Variants in SPARCL1 observed in about 807,000 individuals in gnomAD.
The protein encoded by SPARCL1 is SPARC-like protein 1.
A neutral mutation model predicts 67.1 loss-of-function variants in SPARCL1; 52 were observed. That is an observed-to-expected ratio of 0.78 (90% CI 0.62 to 0.98). The LOEUF (loss-of-function observed/expected upper bound fraction) is 0.98, where lower values mean the gene tolerates loss of function less well. Among genes scored for constraint, SPARCL1 ranks in the 50% least tolerant of loss-of-function variants. The pLI is 0.00. For synonymous variants in SPARCL1, 226 were observed against 267.8 expected (o/e 0.84, Z 1.52); for missense variants, 717 against 782.4 (o/e 0.92, Z 1.00).
rs188701213 is a variant in SPARCL1 at position 87,525,232 on chromosome 4, G to A, written c.-12+3813C>T. Among the ~76,000 whole-genome samples, 15 of 152,136 alleles carry A rather than the reference G, an allele frequency of 9.9e-5. 1 individual carries two copies. In the East Asian group the frequency reaches 2.7e-3, roughly 27 times the overall value. On this transcript the variant is annotated intron_variant, in intron 1 of 10. Transcript: ENST00000282470. ...ACATTTCACAAGTGGGGGAAACTGA[G>A]GCTCCTGAGCTTAGCAGCCAACCTT... is the stretch of plus-strand genomic sequence containing the variant.
intron 1 of SPARCL1, among the ~76,000 whole-genome samples, chr4:87,518,048 C>A (rs2110261210): frequency 6.6e-6 from 1 of 152,292 alleles, no homozygotes; most frequent in African/African-American, 2.4e-5. Context: ...ATATGGGAAA[C>A]AATTGCTTGC....
intron 1 of SPARCL1, among the ~76,000 whole-genome samples, chr4:87,514,711 G>A (rs1725512162): frequency 1.3e-5 from 2 of 152,114 alleles, no homozygotes; most frequent in African/African-American, 4.8e-5. Flanking sequence ...GCCACATATT[G>A]ATCAAAAATA....
intron 7 of SPARCL1, among the ~76,000 whole-genome samples, chr4:87,488,840 C>T (rs1035879348): frequency 2.0e-5 from 3 of 152,154 alleles, no homozygotes; most frequent in Non-Finnish European, 4.4e-5. Context: ...TCTGGTGCTG[C>T]CGTGGGCTCC....
At chr4:87,482,067 A>G (rs979913136) in intron 8 of SPARCL1, among the ~76,000 whole-genome samples, 2 of 152,232 alleles carry the variant, frequency 1.3e-5, no homozygotes, top group Non-Finnish European at 2.9e-5. Context: ...TCATACATCT[A>G]TGTCTGGCCT....
intron 6 of SPARCL1, 114 bp downstream of exon 6, chr4:87,490,646 C>A: frequency 1.3e-6 from 1 of 784,992 alleles, no homozygotes; most frequent in Non-Finnish European, 2.1e-6. Flanking sequence ...CCCAAATAAC[C>A]AAATGATAAC....
chr4:87,495,219 C>T (rs17012705), intron 2 of SPARCL1, 92 bp from the exon 3 acceptor site: 6 of 1,007,400 alleles, frequency 6.0e-6, no homozygotes, highest in Non-Finnish European at 7.5e-6. Flanking sequence ...TTATTAGTAG[C>T]AATATACTTC....
intron 10 of SPARCL1, among the ~76,000 whole-genome samples, chr4:87,477,149 C>CT (rs1237829439): frequency 6.6e-6 from 1 of 152,224 alleles, no homozygotes; most frequent in Non-Finnish European, 1.5e-5. Flanking sequence ...CCTGGGTGAG[C>CT]TTACACACTG....
At position 87,490,192 on chromosome 4, in the gene SPARCL1, G is replaced by C. The variant is rs537195649; in HGVS notation, c.1531+81C>G. ...GAACTACATCAGCTTTTCCCTGTTT[G>C]CATATAGATAATTCAGGCATGTCCA... On this transcript the variant is annotated intron_variant, in intron 7 of 10. Transcript: ENST00000282470. The C allele has an allele frequency of 1.1e-5, 16 of 1,394,746 alleles. No homozygotes were observed. In the East Asian group the frequency reaches 3.3e-4, roughly 29 times the overall value. The allele number at this position is 1,394,746 out of a possible 1,614,324, so 86.4% of individuals were successfully genotyped here.
At chr4:87,512,483 T>C (rs138636657) in intron 1 of SPARCL1, among the ~76,000 whole-genome samples, 47 of 152,118 alleles carry the variant, frequency 3.1e-4, no homozygotes, top group Non-Finnish European at 5.4e-4. Context: ...TGGTAAACCT[T>C]TGCACATTGG....
intron 8 of SPARCL1, among the ~76,000 whole-genome samples, chr4:87,482,212 C>CA (rs1723849574): frequency 6.6e-6 from 1 of 152,132 alleles, no homozygotes. Context: ...GGCCACTGAC[C>CA]ATTGGGAAGA....
intron 1 of SPARCL1, among the ~76,000 whole-genome samples, chr4:87,524,202 G>A (rs1725941799): frequency 6.6e-6 from 1 of 152,162 alleles, no homozygotes; most frequent in Non-Finnish European, 1.5e-5. Context: ...AAGATGAGAT[G>A]AGTCTTTATA....
chr4:87,482,386 A>G, intron 8 of SPARCL1, 38 bp downstream of exon 8: 1 of 1,605,706 alleles, frequency 6.2e-7, no homozygotes, highest in Non-Finnish European at 8.5e-7. Flanking sequence ...CATGCCCTGT[A>G]GACAGACATT....
At chr4:87,522,406 G>A (rs931035437) in intron 1 of SPARCL1, among the ~76,000 whole-genome samples, 2 of 151,912 alleles carry the variant, frequency 1.3e-5, no homozygotes, top group South Asian at 2.1e-4. Context: ...CCATCCAGAC[G>A]TTAAAAGTAT....
chr4:87,491,825 C>T (rs563268818), intron 4 of SPARCL1, 135 bp from the exon 5 acceptor site: 36 of 694,220 alleles, frequency 5.2e-5, no homozygotes, highest in Admixed American at 8.6e-5. Flanking sequence ...GGAAACCAGG[C>T]TGGGTGTGGT....
chr4:87,504,640 C>G (rs1724998319), intron 1 of SPARCL1, among the ~76,000 whole-genome samples: 1 of 152,046 alleles, frequency 6.6e-6, no homozygotes, highest in Admixed American at 6.5e-5. Context: ...CAGCTTTTTT[C>G]TAGTTATTTT....
intron 1 of SPARCL1, among the ~76,000 whole-genome samples, chr4:87,500,564 G>T (rs768903848): frequency 6.6e-6 from 1 of 151,866 alleles, no homozygotes; most frequent in Non-Finnish European, 1.5e-5. Context: ...TTTATGGATC[G>T]CCCAGAAATA....
chr4:87,493,735 G>T lies in SPARCL1; in HGVS notation c.1065C>A (p.His355Gln). The part of the protein sequence containing the change: ...GDDGGTDGPR[H>Q]SASDDYFIPS... The stretch of plus-strand genomic sequence containing the variant: ...GGATGAAGTAGTCATCACTTGCACT[G>T]TGCCTGGGGCCATCAGTGCCGCCAT... The change falls in exon 4 of 11, where the codon CAC (histidine) becomes CAA (glutamine). Residue 355 changes from histidine (H) to glutamine (Q), a missense_variant. Physicochemically the swap from His to Gln is conservative, Grantham distance 24 (BLOSUM62 0). Transcript: ENST00000282470. The T allele has an allele frequency of 6.2e-7, 1 of 1,614,138 alleles. No individual in the cohort carries two copies. The highest frequency in any genetic ancestry group is 8.5e-7 in the Non-Finnish European group (1 of 1,180,024).
chr4:87,479,405 C>T, intron 10 of SPARCL1, 25 bp downstream of exon 10: 3 of 1,609,068 alleles, frequency 1.9e-6, no homozygotes, highest in Non-Finnish European at 2.5e-6. Flanking sequence ...AGACATCCCT[C>T]TTCTTTGGCT....
intron 10 of SPARCL1, 103 bp from the exon 11 acceptor site, chr4:87,473,906 A>C: frequency 1.4e-6 from 1 of 711,102 alleles, no homozygotes; most frequent in Admixed American, 2.5e-5. Context: ...CTAATAAGGC[A>C]GTATAATGGT....
Sources: gnomAD v4.1 joint callset for allele counts (sites outside exome capture counted in the v4.1 genomes callset) on GRCh38, gnomAD v4.1.1 for gene constraint, MANE v1.5 for transcripts, NCBI Gene and HGNC (gene_info 2026-07-23, HGNC 2026-07-21) for gene names.